RORA: variants seen among roughly 807,000 people sequenced by gnomAD.
RORA encodes nuclear receptor ROR-alpha.
A neutral mutation model predicts 69.5 loss-of-function variants in RORA; 7 were observed. The observed-to-expected ratio is 0.10, with a 90% confidence interval of 0.06 to 0.19. The LOEUF is 0.19. RORA is among the 10% of genes least tolerant of loss of function. RORA has a pLI of 1.00. For missense variants in RORA, 457 were observed against 663.0 expected (o/e 0.69, Z 3.41); for synonymous variants, 261 against 240.8 (o/e 1.08, Z -0.78).
rs192683268 is a variant in RORA at position 61,013,106 on chromosome 15, G to A, written c.166+215947C>T. The stretch of plus-strand genomic sequence containing the variant: ...CTATAACCACAGAAAGTGAATTCTC[G>A]TTCCAGACACATTGTTTATTCATTC... On this transcript the variant is annotated intron_variant, in intron 1 of 10. Coordinates refer to ENST00000335670, the MANE Select transcript of RORA (RefSeq NM_134261.3). 1.1e-4 allele frequency among the ~76,000 whole-genome samples: 16 copies of A among 152,234 alleles called. 2 individuals are homozygous for A. The highest frequency in any genetic ancestry group is 4.2e-4 in the South Asian group (2 of 4,818).
intron 1 of RORA, among the ~76,000 whole-genome samples, chr15:60,860,983 TA>T (rs1193079005): frequency 2.6e-5 from 4 of 152,132 alleles, no homozygotes; most frequent in Non-Finnish European, 4.4e-5. Flanking sequence ...CATCAACCAA[TA>T]AATAACATGG....
intron 1 of RORA, among the ~76,000 whole-genome samples, chr15:60,951,144 A>G (rs1338803724): frequency 2.0e-5 from 3 of 152,186 alleles, no homozygotes; most frequent in South Asian, 2.1e-4. Context: ...CTCACTCAAA[A>G]CTGCTCAACT....
chr15:60,565,419 G>A (rs1480540692), intron 2 of RORA, among the ~76,000 whole-genome samples: 2 of 152,108 alleles, frequency 1.3e-5, no homozygotes, highest in Admixed American at 6.5e-5. Flanking sequence ...AGAGACATTT[G>A]GAATACCTTG....
chr15:60,505,484 G>C, intron 6 of RORA, 24 bp downstream of exon 6: 3 of 1,612,928 alleles, frequency 1.9e-6, no homozygotes, highest in African/African-American at 1.3e-5. Flanking sequence ...TCAATCCTAG[G>C]AGGAAAAATT....
At chr15:61,192,307 C>G (rs1239968239) in intron 1 of RORA, among the ~76,000 whole-genome samples, 1 of 152,188 alleles carries the variant, frequency 6.6e-6, no homozygotes, top group Non-Finnish European at 1.5e-5. Context: ...TGGCTTATGC[C>G]TAAAGGCAAA....
At chr15:61,119,232 T>G (rs925244234) in intron 1 of RORA, among the ~76,000 whole-genome samples, 14 of 151,894 alleles carry the variant, frequency 9.2e-5, no homozygotes, top group African/African-American at 3.4e-4. Context: ...AGGGTCTCGC[T>G]TTGTCACCCA....
intron 1 of RORA, among the ~76,000 whole-genome samples, chr15:60,899,068 A>G (rs1891313726): frequency 6.6e-6 from 1 of 152,234 alleles, no homozygotes; most frequent in African/African-American, 2.4e-5. Flanking sequence ...GGCAAAGAGC[A>G]GCAGCTCATC....
chr15:61,184,114 C>T (rs2079715899), intron 1 of RORA, among the ~76,000 whole-genome samples: 1 of 152,196 alleles, frequency 6.6e-6, no homozygotes, highest in Non-Finnish European at 1.5e-5. Flanking sequence ...GTACTTGCTT[C>T]CCACAGATGA....
chr15:61,048,900 C>T (rs1314403809), intron 1 of RORA, among the ~76,000 whole-genome samples: 2 of 152,120 alleles, frequency 1.3e-5, no homozygotes, highest in Admixed American at 6.5e-5. Context: ...AACAAAATCA[C>T]CTTTGAACCT....
At chr15:60,989,370 C>T (rs34735400) in intron 1 of RORA, among the ~76,000 whole-genome samples, 27,742 of 152,124 alleles carry the variant, frequency 0.18, 2,678 homozygotes, top group East Asian at 0.24. Context: ...TCTCAAACTT[C>T]ATCTAAGTTG....
intron 1 of RORA, among the ~76,000 whole-genome samples, chr15:60,708,636 G>T (rs1201199527): frequency 6.6e-6 from 1 of 152,066 alleles, no homozygotes; most frequent in Non-Finnish European, 1.5e-5. Context: ...TAACTCCCCA[G>T]GCTCTTCATA....
intron 1 of RORA, among the ~76,000 whole-genome samples, chr15:60,879,880 C>T (rs2073659963): frequency 6.6e-6 from 1 of 152,210 alleles, no homozygotes; most frequent in Non-Finnish European, 1.5e-5. Flanking sequence ...CATCTACGTG[C>T]CATTTTAGAA....
chr15:61,027,308 G>A (rs929143500), intron 1 of RORA, among the ~76,000 whole-genome samples: 1 of 152,154 alleles, frequency 6.6e-6, no homozygotes, highest in Admixed American at 6.6e-5. Flanking sequence ...GCCTGAAAAC[G>A]TATTAACTGG....
intron 2 of RORA, among the ~76,000 whole-genome samples, chr15:60,657,341 A>C (rs1475206290): frequency 2.0e-5 from 3 of 150,440 alleles, no homozygotes; most frequent in African/African-American, 7.4e-5. Flanking sequence ...CCCCTGCCCC[A>C]CCCCCTGGGG....
chr15:61,171,671 G>A (rs1596044569), intron 1 of RORA, among the ~76,000 whole-genome samples: 2 of 152,156 alleles, frequency 1.3e-5, no homozygotes, highest in Non-Finnish European at 2.9e-5. Flanking sequence ...ATGACACATC[G>A]CTCACTTTCC....
intron 1 of RORA, among the ~76,000 whole-genome samples, chr15:61,219,447 C>A (rs866797854): frequency 6.6e-6 from 1 of 152,152 alleles, no homozygotes; most frequent in Non-Finnish European, 1.5e-5. Flanking sequence ...CGGTGGCTGG[C>A]GCCTATTGTT....
At chr15:60,983,040 T>C (rs558724006) in intron 1 of RORA, among the ~76,000 whole-genome samples, 166 of 152,274 alleles carry the variant, frequency 1.1e-3, no homozygotes, top group Non-Finnish European at 2.0e-3. Context: ...TGGGGGTTTC[T>C]AGGTATAAAC....
intron 2 of RORA, among the ~76,000 whole-genome samples, chr15:60,549,344 G>A (rs1477607560): frequency 6.6e-6 from 1 of 152,074 alleles, no homozygotes; most frequent in Non-Finnish European, 1.5e-5. Context: ...GGGCATATTT[G>A]TTGTTGTTAT....
At chr15:60,904,073 C>A (rs1475576189) in intron 1 of RORA, among the ~76,000 whole-genome samples, 1 of 151,600 alleles carries the variant, frequency 6.6e-6, no homozygotes, top group Non-Finnish European at 1.5e-5. Flanking sequence ...ATTTGCAGAG[C>A]AGTTAGTAGG....
Sources: allele counts gnomAD v4.1 joint callset (sites outside exome capture counted in the v4.1 genomes callset), GRCh38; gene constraint gnomAD v4.1.1; transcripts MANE v1.5; gene names NCBI Gene and HGNC (gene_info 2026-07-23, HGNC 2026-07-21).